The following ADH1C variants were observed in gnomAD, a reference collection of about 807,000 sequenced individuals.
ADH1C encodes alcohol dehydrogenase 1C (class I), gamma polypeptide, also known as alcohol dehydrogenase 1C.
A neutral mutation model predicts 35.0 loss-of-function variants in ADH1C; 26 were observed. The observed-to-expected ratio is 0.74, with a 90% CI of 0.54 to 1.03. ADH1C has a LOEUF of 1.03. Among genes scored for constraint, ADH1C ranks in the 50% least tolerant of loss-of-function variants. The pLI is 0.00. For missense variants in ADH1C, 413 were observed against 465.4 expected (o/e 0.89, Z 1.04); for synonymous variants, 170 against 169.3 (o/e 1.00, Z -0.03).
At chr4:99,346,476 T>C (rs915968754) in intron 3 of ADH1C, among the ~76,000 whole-genome samples, 4 of 152,140 alleles carry the variant, frequency 2.6e-5, no homozygotes, top group Admixed American at 6.5e-5. Context: ...ATTGATTCCA[T>C]GCTCAGGAAG....
rs866616035 is a variant in ADH1C at position 99,340,761 on chromosome 4, T to C, written c.829-51A>G. On this transcript the variant is annotated intron_variant, in intron 6 of 8. Coordinates refer to ENST00000515683, the MANE Select transcript of ADH1C (RefSeq NM_000669.5). ...CCTTAACGTGGAGTGGCATAGTTCATACTCATAATGCACAATATCATGTAA... is the reference window on the plus strand; with the variant it reads ...CCTTAACGTGGAGTGGCATAGTTCACACTCATAATGCACAATATCATGTAA... 2.5e-6 allele frequency: 4 copies of C among 1,608,900 alleles called. No homozygotes were observed. In the African/African-American group the frequency reaches 4.0e-5, roughly 16 times the overall value.
chr4:99,348,122 T>A (rs536098641), intron 1 of ADH1C, among the ~76,000 whole-genome samples: 8 of 132,776 alleles, frequency 6.0e-5, no homozygotes, highest in African/African-American at 1.8e-4. Flanking sequence ...ATTTTATTTT[T>A]TTTGAATGTT....
intron 1 of ADH1C, among the ~76,000 whole-genome samples, chr4:99,349,709 T>A (rs146578270): frequency 6.6e-6 from 1 of 152,218 alleles, no homozygotes; most frequent in South Asian, 2.1e-4. Flanking sequence ...TTTGGCAGCC[T>A]GTTTTGTTCA....
At chr4:99,347,542 A>G (rs1734565273) in intron 2 of ADH1C, among the ~76,000 whole-genome samples, 1 of 152,158 alleles carries the variant, frequency 6.6e-6, no homozygotes, top group African/African-American at 2.4e-5. Context: ...ATTCTTTTGT[A>G]TTTCACTGGA....
chr4:99,341,016 T>C (rs1391712063), intron 6 of ADH1C, among the ~76,000 whole-genome samples: 1 of 152,230 alleles, frequency 6.6e-6, no homozygotes, highest in East Asian at 1.9e-4. Flanking sequence ...CTTGTACAAG[T>C]GTACATCATT....
intron 8 of ADH1C, among the ~76,000 whole-genome samples, chr4:99,337,270 C>T (rs536832922): frequency 3.3e-5 from 5 of 151,994 alleles, no homozygotes; most frequent in Admixed American, 2.0e-4. Flanking sequence ...TCTGGTCGCA[C>T]ATCTAGTATA....
At chr4:99,337,314 C>T (rs904011349) in intron 8 of ADH1C, among the ~76,000 whole-genome samples, 43 of 151,958 alleles carry the variant, frequency 2.8e-4, no homozygotes, top group Admixed American at 1.8e-3. Flanking sequence ...TACAAATTTG[C>T]ACAAATTATA....
chr4:99,347,376 A>T (rs745319338), intron 2 of ADH1C, among the ~76,000 whole-genome samples: 6 of 152,158 alleles, frequency 3.9e-5, no homozygotes, highest in Non-Finnish European at 7.3e-5. Context: ...GAGATAATTG[A>T]TCCTAAAATT....
rs765368147 is a variant in ADH1C, at chr4:99,340,624, G to T, written c.915C>A (p.Asn305Lys). ...VPPDSQNLSI[N>K]PMLLLTGRTW... ...TGCGTCCAGTCAGTAGCAGCATAGG[G>T]TTTATTGAGAGGTTCTGGGAATCAG... is the stretch of plus-strand genomic sequence containing the variant. Residue 305 changes from asparagine to lysine, a missense_variant, in exon 7 of 9, where the codon AAC (asparagine) becomes AAA (lysine). Transcript: ENST00000515683. The T allele has an allele frequency of 1.2e-6, 2 of 1,614,018 alleles. No homozygotes were observed. The highest frequency in any genetic ancestry group is 3.3e-5 in the Admixed American group (2 of 60,026).
At chr4:99,349,762 C>T (rs1284085678) in intron 1 of ADH1C, among the ~76,000 whole-genome samples, 2 of 151,748 alleles carry the variant, frequency 1.3e-5, no homozygotes, top group Non-Finnish European at 2.9e-5. Flanking sequence ...AGATTTGAGC[C>T]CAAAATTACA....
At chr4:99,345,680 T>A (rs1427367884) in intron 3 of ADH1C, among the ~76,000 whole-genome samples, 2 of 152,224 alleles carry the variant, frequency 1.3e-5, no homozygotes, top group Non-Finnish European at 2.9e-5. Context: ...TAGTAGATGT[T>A]GGGAAGATCT....
intron 8 of ADH1C, among the ~76,000 whole-genome samples, chr4:99,338,144 C>T (rs534521430): frequency 6.6e-6 from 1 of 151,558 alleles, no homozygotes; most frequent in Admixed American, 6.6e-5. Flanking sequence ...GCATCCAAGT[C>T]ACCTTACTCT....
chr4:99,336,546 C>G lies in ADH1C; in HGVS notation c.*206G>C, dbSNP rs1225101593. 7 of 650,684 alleles carry G rather than the reference C, an allele frequency of 1.1e-5. No homozygotes were observed. The highest frequency in any genetic ancestry group is 3.7e-5 in the African/African-American group (2 of 54,218). The allele number at this position is 650,684 out of a possible 1,614,324, so 40.3% of individuals were successfully genotyped here. A position where few individuals can be genotyped will look rare whatever the true frequency, so the allele number is the denominator to read the frequency against. ...CTTCAATTCCCCAGTTGATGTTCAA[C>G]ACTTTATTTAGTTCTCATTTGGATT... is the stretch of plus-strand genomic sequence containing the variant. On this transcript the variant is annotated 3_prime_UTR_variant, in exon 9 of 9. Coordinates refer to ENST00000515683, the MANE Select transcript of ADH1C (RefSeq NM_000669.5).
At chr4:99,337,174 T>A (rs1560534920) in intron 8 of ADH1C, among the ~76,000 whole-genome samples, 1 of 152,180 alleles carries the variant, frequency 6.6e-6, no homozygotes, top group Non-Finnish European at 1.5e-5. Context: ...AATCTCAACC[T>A]AAACAATGAC....
At position 99,346,431 on chromosome 4, in the gene ADH1C, A is replaced by T. The variant is rs181189304; in HGVS notation, c.259+575T>A. Among the ~76,000 whole-genome samples the T allele has an allele frequency of 3.9e-5, 6 of 152,290 alleles. No individual in the cohort carries two copies. The East Asian group carries it at 1.2e-3, about 29-fold the overall frequency. On this transcript the variant is annotated intron_variant, in intron 3 of 8. Transcript: ENST00000515683. ...TTGTTGATGGTGGATGGCTCCTGCT[A>T]TGTTTCTTTCATTTTCTTTCACCTA...
At chr4:99,346,673 T>A (rs1361148664) in intron 3 of ADH1C, among the ~76,000 whole-genome samples, 1 of 152,160 alleles carries the variant, frequency 6.6e-6, no homozygotes, top group Non-Finnish European at 1.5e-5. Context: ...AAGACAGTGT[T>A]CAGCTAACAC....
chr4:99,338,442 TATAC>T (rs1231753033), intron 8 of ADH1C, among the ~76,000 whole-genome samples: 1,472 of 58,670 alleles, frequency 0.025, 246 homozygotes, highest in Non-Finnish European at 0.037. Context: ...TATATATATA[TATAC>T]ACACTCTTGA....
chr4:99,337,579 T>A (rs933359093), intron 8 of ADH1C, among the ~76,000 whole-genome samples: 3 of 152,192 alleles, frequency 2.0e-5, no homozygotes, highest in African/African-American at 7.2e-5. Context: ...CGACTGAGAA[T>A]TTTATATATA....
At chr4:99,351,752 G>C (rs71612684) in intron 1 of ADH1C, among the ~76,000 whole-genome samples, 2 of 152,112 alleles carry the variant, frequency 1.3e-5, no homozygotes, top group Admixed American at 1.3e-4. Context: ...ATAGTGAGGT[G>C]TTTTATTGTG....
Sources: gnomAD v4.1 joint callset for allele counts (sites outside exome capture counted in the v4.1 genomes callset) on GRCh38, gnomAD v4.1.1 for gene constraint, MANE v1.5 for transcripts, NCBI Gene and HGNC (gene_info 2026-07-23, HGNC 2026-07-21) for gene names.